EPS15L1: variants seen among roughly 807,000 people sequenced by gnomAD.
EPS15L1 encodes epidermal growth factor receptor substrate 15-like 1.
Under a neutral mutation model 117.1 loss-of-function variants are expected in EPS15L1, and 43 were observed. The observed-to-expected ratio is 0.37, with a 90% CI of 0.29 to 0.47. EPS15L1 has a LOEUF of 0.47. Ranked by LOEUF, EPS15L1 falls within the 20% of genes least tolerant of loss-of-function variation. EPS15L1 has a pLI of 0.99. For missense variants in EPS15L1, 981 were observed against 1,164.0 expected (o/e 0.84, Z 2.29); for synonymous variants, 459 against 470.5 (o/e 0.98, Z 0.32).
At chr19:16,414,443 C>G (rs994232179) in intron 12 of EPS15L1, among the ~76,000 whole-genome samples, 1 of 152,078 alleles carries the variant, frequency 6.6e-6, no homozygotes, top group African/African-American at 2.4e-5. Context: ...CTCTGTCACC[C>G]AGGCTGGAGT....
chr19:16,412,099 A>ATTTTTTAT (rs1049370174), intron 13 of EPS15L1, among the ~76,000 whole-genome samples: 2 of 152,110 alleles, frequency 1.3e-5, no homozygotes. Context: ...AATTTGGATT[A>ATTTTTTAT]TTTTTTATTT....
chr19:16,434,077 T>C (rs1036560471), intron 7 of EPS15L1, among the ~76,000 whole-genome samples: 5 of 152,238 alleles, frequency 3.3e-5, no homozygotes, highest in Non-Finnish European at 7.3e-5. Context: ...TGAGCTCTAC[T>C]GGTCCCAAAG....
At chr19:16,358,082 C>G (rs926019386) in intron 23 of EPS15L1, 1 of 152,738 alleles carries the variant, frequency 6.5e-6, no homozygotes, top group Non-Finnish European at 1.5e-5. Flanking sequence ...CTGGAACGAC[C>G]AAGTAACCGG....
chr19:16,434,124 C>A (rs1456715250), intron 7 of EPS15L1, among the ~76,000 whole-genome samples: 1 of 152,224 alleles, frequency 6.6e-6, no homozygotes, highest in Non-Finnish European at 1.5e-5. Context: ...TCCACCTCCT[C>A]ATCTGTGAAG....
intron 4 of EPS15L1, among the ~76,000 whole-genome samples, chr19:16,439,832 T>C (rs2093012420): frequency 6.6e-6 from 1 of 151,866 alleles, no homozygotes; most frequent in African/African-American, 2.4e-5. Context: ...TCTAACAAAA[T>C]GGCCATCTAC....
At chr19:16,377,052 CA>C (rs2092305155) in intron 22 of EPS15L1, 69 bp downstream of exon 22, 2 of 1,516,138 alleles carry the variant, frequency 1.3e-6, no homozygotes, top group Non-Finnish European at 1.8e-6. Flanking sequence ...GGCTGGTGAG[CA>C]GGGAGGCCCT....
chr19:16,379,651 T>C (rs1156245545), intron 21 of EPS15L1, among the ~76,000 whole-genome samples: 3 of 151,888 alleles, frequency 2.0e-5, no homozygotes, highest in Admixed American at 1.3e-4. Context: ...AGGCCTTCAG[T>C]GTCTAGTCAC....
intron 21 of EPS15L1, among the ~76,000 whole-genome samples, chr19:16,384,730 T>C (rs73509167): frequency 0.14 from 21,653 of 152,228 alleles, 1,590 homozygotes; most frequent in Non-Finnish European, 0.15. Context: ...TTCTGTCACA[T>C]GGGCGACTCT....
chr19:16,403,993 G>T, intron 14 of EPS15L1, 63 bp from the exon 15 acceptor site: 1 of 1,450,646 alleles, frequency 6.9e-7, no homozygotes, highest in Non-Finnish European at 9.5e-7. Context: ...GGGACTCCGA[G>T]AAAGAACTCT....
intron 22 of EPS15L1, among the ~76,000 whole-genome samples, chr19:16,367,091 G>A (rs746477777): frequency 4.6e-5 from 7 of 151,696 alleles, no homozygotes; most frequent in Non-Finnish European, 7.4e-5. Context: ...TTACTGACGC[G>A]CATTTCAGAA....
At chr19:16,423,691 T>G (rs1007814309) in intron 9 of EPS15L1, among the ~76,000 whole-genome samples, 1 of 152,202 alleles carries the variant, frequency 6.6e-6, no homozygotes, top group African/African-American at 2.4e-5. Context: ...CCTTCTCAAG[T>G]CTGGTGGACG....
At chr19:16,367,261 G>A (rs189634144) in intron 22 of EPS15L1, among the ~76,000 whole-genome samples, 57 of 151,604 alleles carry the variant, frequency 3.8e-4, no homozygotes, top group African/African-American at 1.0e-3. Context: ...CACAGCAGAC[G>A]GCAGTGAATA....
At chr19:16,408,544 C>G (rs1194529480) in intron 13 of EPS15L1, among the ~76,000 whole-genome samples, 1 of 151,920 alleles carries the variant, frequency 6.6e-6, no homozygotes, top group East Asian at 1.9e-4. Flanking sequence ...TCTGCATTCT[C>G]AGCTACTCGG....
intron 21 of EPS15L1, among the ~76,000 whole-genome samples, chr19:16,379,961 C>T (rs74736243): frequency 1.6e-4 from 25 of 151,538 alleles, no homozygotes; most frequent in Admixed American, 3.9e-4. Context: ...GTCACATAGA[C>T]GCGGCTGTCT....
At chr19:16,464,449 C>T (rs1017628659) in intron 1 of EPS15L1, among the ~76,000 whole-genome samples, 1 of 152,250 alleles carries the variant, frequency 6.6e-6, no homozygotes, top group Non-Finnish European at 1.5e-5. Flanking sequence ...GACATCCTGT[C>T]AGTTCGGCCG....
At chr19:16,453,889 A>T (rs1409738586) in intron 1 of EPS15L1, among the ~76,000 whole-genome samples, 1 of 125,058 alleles carries the variant, frequency 8.0e-6, no homozygotes, top group Admixed American at 7.9e-5. Flanking sequence ...ATTCCTATAA[A>T]AAAAAAAAAA....
intron 13 of EPS15L1, among the ~76,000 whole-genome samples, chr19:16,408,211 T>C (rs987015151): frequency 6.6e-6 from 1 of 152,024 alleles, no homozygotes; most frequent in Non-Finnish European, 1.5e-5. Flanking sequence ...AGCTCGAGGT[T>C]AGGAAGGGGA....
intron 18 of EPS15L1, among the ~76,000 whole-genome samples, chr19:16,393,695 T>TAAATA (rs2092508777): frequency 6.7e-6 from 1 of 148,226 alleles, no homozygotes; most frequent in African/African-American, 2.5e-5. Flanking sequence ...ATAAATAAAA[T>TAAATA]AAATAAATAA....
At chr19:16,397,767 C>T (rs2092555272) in intron 16 of EPS15L1, among the ~76,000 whole-genome samples, 1 of 151,830 alleles carries the variant, frequency 6.6e-6, no homozygotes. Context: ...TTGAAGAGCA[C>T]ATTTTTGTAA....
Sources: allele counts gnomAD v4.1 joint callset (sites outside exome capture counted in the v4.1 genomes callset), GRCh38; gene constraint gnomAD v4.1.1; transcripts MANE v1.5; gene names NCBI Gene and HGNC (gene_info 2026-07-23, HGNC 2026-07-21).